PLCB4: variants seen among roughly 807,000 people sequenced by gnomAD.
PLCB4 encodes 1-phosphatidylinositol 4,5-bisphosphate phosphodiesterase beta-4.
In PLCB4, 77 loss-of-function variants were observed where a neutral mutation model predicts 178.8. The ratio of observed to expected loss-of-function variants is 0.43; its 90% CI spans 0.36 to 0.52. The LOEUF is 0.52. PLCB4 is among the 20% of genes least tolerant of loss of function. The pLI, the probability that PLCB4 is intolerant of heterozygous loss-of-function variation, is 0.00. For synonymous variants in PLCB4, 496 were observed against 490.8 expected (o/e 1.01, Z -0.14); for missense variants, 1,024 against 1,453.4 (o/e 0.70, Z 4.80).
At chr20:9,084,534 T>G (rs1378663343) in intron 1 of PLCB4, among the ~76,000 whole-genome samples, 2 of 152,120 alleles carry the variant, frequency 1.3e-5, no homozygotes, top group Non-Finnish European at 2.9e-5. Flanking sequence ...GGGAATAAAT[T>G]ATCATAAGAC....
intron 4 of PLCB4, among the ~76,000 whole-genome samples, chr20:9,325,980 C>T (rs565789741): frequency 2.6e-5 from 4 of 151,778 alleles, no homozygotes; most frequent in Non-Finnish European, 5.9e-5. Context: ...GCCCATTTCC[C>T]GATTCCAAGA....
At chr20:9,198,292 GTAGAAGAACA>G (rs1261717224) in intron 2 of PLCB4, among the ~76,000 whole-genome samples, 1 of 152,134 alleles carries the variant, frequency 6.6e-6, no homozygotes, top group Non-Finnish European at 1.5e-5. Context: ...AACAAATACA[GTAGAAGAACA>G]CTGAAACAAA....
intron 2 of PLCB4, among the ~76,000 whole-genome samples, chr20:9,099,838 A>G (rs2091072040): frequency 6.6e-6 from 1 of 152,112 alleles, no homozygotes; most frequent in African/African-American, 2.4e-5. Flanking sequence ...TATGGCCCAT[A>G]TCCCCTGACA....
At chr20:9,450,078 A>G (rs2042659314) in intron 32 of PLCB4, among the ~76,000 whole-genome samples, 1 of 152,176 alleles carries the variant, frequency 6.6e-6, no homozygotes, top group South Asian at 2.1e-4. Context: ...TGGATAAGAA[A>G]CGTACACAAA....
At chr20:9,417,374 C>A (rs2148547158) in intron 25 of PLCB4, among the ~76,000 whole-genome samples, 1 of 152,138 alleles carries the variant, frequency 6.6e-6, no homozygotes, top group Non-Finnish European at 1.5e-5. Flanking sequence ...GCTTTCATCT[C>A]CCAATAGGAA....
intron 3 of PLCB4, among the ~76,000 whole-genome samples, chr20:9,247,158 T>G (rs949004122): frequency 6.6e-6 from 1 of 152,204 alleles, no homozygotes; most frequent in Non-Finnish European, 1.5e-5. Context: ...ACTACTGTAG[T>G]TTGTTGCCAA....
At chr20:9,330,250 G>T (rs2031429625) in intron 4 of PLCB4, among the ~76,000 whole-genome samples, 2 of 152,010 alleles carry the variant, frequency 1.3e-5, no homozygotes, top group Non-Finnish European at 2.9e-5. Context: ...GGTTTATGAG[G>T]TCTCTTTGGT....
At chr20:9,455,953 G>A (rs2276481) in intron 33 of PLCB4, among the ~76,000 whole-genome samples, 6 of 152,068 alleles carry the variant, frequency 3.9e-5, no homozygotes, top group Non-Finnish European at 7.4e-5. Context: ...GTCCTGCCTC[G>A]GCTTCCTGAG....
chr20:9,419,738 G>T, intron 25 of PLCB4, 69 bp from the exon 26 acceptor site: 1 of 951,686 alleles, frequency 1.1e-6, no homozygotes, highest in Non-Finnish European at 1.7e-6. Context: ...AGCATCCATT[G>T]TTTCAACTAG....
rs148819416 is a variant in PLCB4 at position 9,289,771 on chromosome 20, A to G, written c.-15-18029A>G. 4.3e-4 allele frequency among the ~76,000 whole-genome samples: 65 copies of G among 152,260 alleles called. No homozygotes were observed. The East Asian group carries it at 9.7e-3, about 23-fold the overall frequency. ...TCAAAAGGTTTGTTAAGTTCTATTA[A>G]TAGTTCTACCATATTTGAGGGATTC... On this transcript the variant is annotated intron_variant, in intron 3 of 39. Coordinates refer to ENST00000378473, the MANE Select transcript of PLCB4 (RefSeq NM_001377142.1).
intron 2 of PLCB4, among the ~76,000 whole-genome samples, chr20:9,164,533 AATCT>A (rs753038935): frequency 1.1e-3 from 163 of 152,280 alleles, no homozygotes; most frequent in Middle Eastern, 6.8e-3. Flanking sequence ...GACTGATTAG[AATCT>A]ATATAAACTG....
intron 4 of PLCB4, among the ~76,000 whole-genome samples, chr20:9,318,115 C>G (rs1222025801): frequency 6.6e-6 from 1 of 151,978 alleles, no homozygotes. Context: ...CGCTATTGCA[C>G]TCCAGCCTGG....
intron 4 of PLCB4, among the ~76,000 whole-genome samples, chr20:9,324,323 G>T (rs1340451786): frequency 6.6e-6 from 1 of 152,172 alleles, no homozygotes; most frequent in African/African-American, 2.4e-5. Context: ...GTACTTGGGA[G>T]GCTGAGGGAG....
intron 2 of PLCB4, among the ~76,000 whole-genome samples, chr20:9,204,946 T>C (rs2093598691): frequency 6.6e-6 from 1 of 152,192 alleles, no homozygotes; most frequent in Non-Finnish European, 1.5e-5. Flanking sequence ...ATTTTTATAT[T>C]GATTACATGT....
At chr20:9,301,392 A>T (rs1393663320) in intron 3 of PLCB4, among the ~76,000 whole-genome samples, 1 of 151,856 alleles carries the variant, frequency 6.6e-6, no homozygotes, top group African/African-American at 2.4e-5. Context: ...ATTCCTTGTG[A>T]AAGTATTGAC....
chr20:9,469,563 G>A (rs1043322766), intron 36 of PLCB4, among the ~76,000 whole-genome samples: 3 of 152,214 alleles, frequency 2.0e-5, no homozygotes, highest in Admixed American at 2.0e-4. Flanking sequence ...CAGAGAAAGG[G>A]AGTGAGAAAG....
intron 7 of PLCB4, among the ~76,000 whole-genome samples, chr20:9,347,280 A>G (rs957112137): frequency 2.6e-5 from 4 of 152,194 alleles, no homozygotes; most frequent in African/African-American, 9.7e-5. Context: ...TGAGGTTTCT[A>G]GATTGTTTTC....
intron 19 of PLCB4, among the ~76,000 whole-genome samples, chr20:9,397,914 C>T (rs2038725084): frequency 6.6e-6 from 1 of 152,124 alleles, no homozygotes; most frequent in African/African-American, 2.4e-5. Flanking sequence ...TGGGTTTCTC[C>T]TGCTTTTGTC....
At chr20:9,383,973 A>G (rs2037366757) in intron 13 of PLCB4, among the ~76,000 whole-genome samples, 1 of 152,244 alleles carries the variant, frequency 6.6e-6, no homozygotes. Context: ...TACATCTGCC[A>G]TCATGGATGT....
Sources: gnomAD v4.1 joint callset for allele counts (sites outside exome capture counted in the v4.1 genomes callset) on GRCh38, gnomAD v4.1.1 for gene constraint, MANE v1.5 for transcripts, NCBI Gene and HGNC (gene_info 2026-07-23, HGNC 2026-07-21) for gene names.